The following RANBP3L variants were observed in gnomAD, a reference collection of about 807,000 sequenced individuals.
RANBP3L encodes the protein RAN binding protein 3 like.
RANBP3L carries 56 observed loss-of-function variants against 67.2 expected under a neutral mutation model. The ratio of observed to expected loss-of-function variants is 0.83; its 90% CI spans 0.67 to 1.04. The LOEUF is 1.04. Among genes scored for constraint, RANBP3L ranks in the 50% least tolerant of loss-of-function variants. RANBP3L has a pLI of 0.00. For synonymous variants in RANBP3L, 164 were observed against 181.4 expected (o/e 0.90, Z 0.77); for missense variants, 496 against 535.5 (o/e 0.93, Z 0.73).
chr5:36,266,430 G>C (rs949410672), intron 4 of RANBP3L, among the ~76,000 whole-genome samples: 7 of 152,054 alleles, frequency 4.6e-5, no homozygotes, highest in Non-Finnish European at 7.4e-5. Context: ...AAGAATAATT[G>C]CTTCTTCAAA....
In RANBP3L at chr5:36,255,585, G is replaced by A. The variant is rs762104035; in HGVS notation, c.909C>T (p.Asn303=). Residue 303 remains asparagine, a synonymous_variant, in exon 11 of 14, where the codon AAC becomes AAT. Transcript: ENST00000296604. ...TTTTGTTGAATATGAAAAGCTTGCA[G>A]TTTATCTAAATGACAATTTTTTAAA... The part of the protein sequence containing the change: ...EETEHNVLKI[N]CKLFIFNKTT... 2 of 1,599,946 alleles carry A rather than the reference G, an allele frequency of 1.3e-6. No homozygotes were observed. Among genetic ancestry groups the A allele is most frequent in the South Asian group, 2.3e-5 (2 of 87,928 alleles).
In RANBP3L at chr5:36,262,680, G is replaced by A. The variant is rs536933609; in HGVS notation, c.481-638C>T. Among the ~76,000 whole-genome samples the A allele has an allele frequency of 2.3e-4, 35 of 151,966 alleles. 1 individual carries two copies. In the South Asian group the frequency reaches 7.3e-3, roughly 32 times the overall value. ...CAGGAATTTGCAAAGATGTTTCAGG[G>A]CGTTTGTGTCTTTTAAAGCCAGATG... On this transcript the variant is annotated intron_variant, in intron 6 of 13. Transcript: ENST00000296604.
chr5:36,294,837 T>C (rs59250598), intron 1 of RANBP3L, among the ~76,000 whole-genome samples: 4,908 of 148,400 alleles, frequency 0.033, 204 homozygotes, highest in East Asian at 0.15. Context: ...TACATATATA[T>C]GACATATAAA....
At chr5:36,251,565 A>C (rs1748598339) in intron 12 of RANBP3L, 66 bp from the exon 13 acceptor site, 1 of 1,239,872 alleles carries the variant, frequency 8.1e-7, no homozygotes, top group African/African-American at 1.5e-5. Flanking sequence ...ACAGATTTTT[A>C]ATCTTTCACT....
At chr5:36,288,815 G>T (rs956013715) in intron 1 of RANBP3L, among the ~76,000 whole-genome samples, 1 of 151,628 alleles carries the variant, frequency 6.6e-6, no homozygotes, top group Non-Finnish European at 1.5e-5. Context: ...AAATCAAATT[G>T]TTTATCATGA....
At chr5:36,260,683 T>C (rs951356957) in intron 8 of RANBP3L, 97 bp downstream of exon 8, 43 of 622,262 alleles carry the variant, frequency 6.9e-5, no homozygotes, top group Non-Finnish European at 1.1e-4. Context: ...AGTTAAAAAG[T>C]ATAATTCAAT....
At chr5:36,301,179 A>G (rs1202451825) in intron 1 of RANBP3L, 147 bp downstream of exon 1, 6 of 665,590 alleles carry the variant, frequency 9.0e-6, no homozygotes, top group South Asian at 1.7e-5. Flanking sequence ...TCCTCTAAAA[A>G]TCAATAGTGA....
In RANBP3L at chr5:36,251,507, A is replaced by G. The variant is rs748933352; in HGVS notation, c.1168-8T>C. 1 of 1,573,684 alleles carries G rather than the reference A, an allele frequency of 6.4e-7. No individual in the cohort carries two copies. Among genetic ancestry groups the G allele is most frequent in the South Asian group, 1.2e-5 (1 of 85,186 alleles). On this transcript the variant is annotated splice_polypyrimidine_tract_variant and splice_region_variant and intron_variant, in intron 12 of 13. Transcript: ENST00000296604. ...TGTATCTTGGGCACTGGCCTGCATG[A>G]GGAACATTAAATTGTTAAGAAAATC...
chr5:36,299,324 C>CAG (rs1266217035), intron 1 of RANBP3L, among the ~76,000 whole-genome samples: 1 of 142,478 alleles, frequency 7.0e-6, no homozygotes, highest in African/African-American at 2.8e-5. Flanking sequence ...TATATATATA[C>CAG]ACATACATAT....
intron 1 of RANBP3L, among the ~76,000 whole-genome samples, chr5:36,283,810 T>G (rs2112035005): frequency 6.6e-6 from 1 of 152,342 alleles, no homozygotes; most frequent in African/African-American, 2.4e-5. Context: ...GTTATTGAGC[T>G]GTAGTTGCTG....
intron 6 of RANBP3L, 117 bp from the exon 7 acceptor site, chr5:36,262,159 G>T: frequency 3.4e-6 from 2 of 587,062 alleles, no homozygotes; most frequent in Non-Finnish European, 6.1e-6. Flanking sequence ...TTTAAGTACT[G>T]CCTTAAGCAT....
At chr5:36,252,556 C>T (rs186125694) in intron 12 of RANBP3L, among the ~76,000 whole-genome samples, 3 of 152,124 alleles carry the variant, frequency 2.0e-5, no homozygotes, top group Admixed American at 6.5e-5. Flanking sequence ...GAAGGTTATA[C>T]GGTATGTACG....
intron 1 of RANBP3L, among the ~76,000 whole-genome samples, chr5:36,297,155 TTA>T (rs200898939): frequency 0.017 from 2,487 of 148,748 alleles, 34 homozygotes; most frequent in Non-Finnish European, 0.026. Flanking sequence ...ATTTTATATA[TTA>T]TATGTGTTAT....
intron 7 of RANBP3L, among the ~76,000 whole-genome samples, chr5:36,261,122 G>A (rs1302858402): frequency 6.6e-6 from 1 of 152,092 alleles, no homozygotes; most frequent in Non-Finnish European, 1.5e-5. Flanking sequence ...CTGGCTGTGT[G>A]GTCAGCCAGG....
chr5:36,291,475 TGCCATGCTG>T (rs1387702060), intron 1 of RANBP3L, among the ~76,000 whole-genome samples: 5 of 152,110 alleles, frequency 3.3e-5, no homozygotes, highest in African/African-American at 1.2e-4. Flanking sequence ...TGTATACATA[TGCCATGCTG>T]GTGCGCTGCA....
intron 1 of RANBP3L, among the ~76,000 whole-genome samples, chr5:36,281,508 T>C (rs1249668557): frequency 1.3e-5 from 2 of 152,276 alleles, no homozygotes; most frequent in East Asian, 1.9e-4. Context: ...CTGGCTTCCA[T>C]TGTGAGTTAA....
chr5:36,265,415 A>G, intron 5 of RANBP3L, 34 bp downstream of exon 5: 1 of 1,387,820 alleles, frequency 7.2e-7, no homozygotes, highest in Non-Finnish European at 1.0e-6. Flanking sequence ...TAAAATATAC[A>G]ATTTCTGAGG....
chr5:36,288,027 T>C (rs1751447987), intron 1 of RANBP3L, among the ~76,000 whole-genome samples: 1 of 152,222 alleles, frequency 6.6e-6, no homozygotes, highest in Non-Finnish European at 1.5e-5. Flanking sequence ...TCTCACATTT[T>C]AGAAAATGAG....
intron 8 of RANBP3L, among the ~76,000 whole-genome samples, chr5:36,259,765 T>C (rs1462392475): frequency 6.6e-6 from 1 of 152,126 alleles, no homozygotes; most frequent in African/African-American, 2.4e-5. Context: ...GAGTGAAAGC[T>C]GGAAAAGGTA....
Sources: gnomAD v4.1 joint callset for allele counts (sites outside exome capture counted in the v4.1 genomes callset) on GRCh38, gnomAD v4.1.1 for gene constraint, MANE v1.5 for transcripts, NCBI Gene and HGNC (gene_info 2026-07-23, HGNC 2026-07-21) for gene names.